TMEM71: variants seen among roughly 807,000 people sequenced by gnomAD.
TMEM71 encodes transmembrane protein 71.
TMEM71 carries 44 observed loss-of-function variants against 38.0 expected under a neutral mutation model. The observed-to-expected ratio is 1.16, with a 90% CI of 0.91 to 1.49. The LOEUF (loss-of-function observed/expected upper bound fraction) is 1.49, where lower values mean the gene tolerates loss of function less well. TMEM71 is among the 40% of genes most tolerant of loss of function. The pLI, the probability that TMEM71 is intolerant of heterozygous loss-of-function variation, is 0.00. For synonymous variants in TMEM71, 133 were observed against 122.5 expected (o/e 1.09, Z -0.56); for missense variants, 367 against 348.6 (o/e 1.05, Z -0.42).
chr8:132,739,013 C>G (rs1305007536), intron 5 of TMEM71, among the ~76,000 whole-genome samples: 2 of 151,956 alleles, frequency 1.3e-5, no homozygotes. Context: ...CTGACCCTCT[C>G]TATACTATTT....
At chr8:132,771,238 GA>G in the TMEM71 span, among the ~76,000 whole-genome samples, 1 of 152,094 alleles carries the variant, frequency 6.6e-6, no homozygotes, top group Non-Finnish European at 1.5e-5. Flanking sequence ...AACTGTCCAG[GA>G]TCCACCTGTC....
chr8:132,744,643 A>G (rs960979066), intron 5 of TMEM71, among the ~76,000 whole-genome samples: 4 of 152,190 alleles, frequency 2.6e-5, no homozygotes, highest in Non-Finnish European at 4.4e-5. Context: ...TTCCTATCAA[A>G]CTATCAATAT....
chr8:132,733,876 A>G (rs537477903), intron 5 of TMEM71, among the ~76,000 whole-genome samples: 22 of 152,344 alleles, frequency 1.4e-4, no homozygotes, highest in Admixed American at 2.6e-4. Flanking sequence ...CCTGGAGCAC[A>G]GTATGCCAAG....
At chr8:132,774,748 A>T in the TMEM71 span, among the ~76,000 whole-genome samples, 8 of 152,264 alleles carry the variant, frequency 5.3e-5, no homozygotes, top group Non-Finnish European at 8.8e-5. Context: ...CAGTTCTGCT[A>T]TCATTAGCTG....
chr8:132,767,895 A>G, the TMEM71 span, among the ~76,000 whole-genome samples: 46,578 of 152,108 alleles, frequency 0.31, 7,708 homozygotes, highest in South Asian at 0.46. Context: ...CAAACTCTTT[A>G]GCTTTATGAG....
chr8:132,745,243 C>G (rs570084380), intron 5 of TMEM71, among the ~76,000 whole-genome samples: 1 of 152,228 alleles, frequency 6.6e-6, no homozygotes, highest in Admixed American at 6.5e-5. Flanking sequence ...AATATACAAC[C>G]TACAGAATGG....
chr8:132,708,764 TAATTACAAA>T (rs1339657061), downstream of TMEM71, among the ~76,000 whole-genome samples: 2 of 152,196 alleles, frequency 1.3e-5, no homozygotes, highest in African/African-American at 4.8e-5. Context: ...GGGCCCCATG[TAATTACAAA>T]AATTATTTAA....
At chr8:132,775,190 A>T in the TMEM71 span, among the ~76,000 whole-genome samples, 1 of 152,206 alleles carries the variant, frequency 6.6e-6, no homozygotes, top group Non-Finnish European at 1.5e-5. Flanking sequence ...ATAGGCACCA[A>T]GAGCTCGCGT....
At position 132,758,677 on chromosome 8, in the gene TMEM71, T is replaced by C. The variant is rs556016369; in HGVS notation, c.40+163A>G. Reference sequence around the variant, plus strand: ...ACCACATTTCTTTCAAGGAAAAAAATGAAGTTAAAATCATTGCCAAAGTGA... The same window carrying C: ...ACCACATTTCTTTCAAGGAAAAAAACGAAGTTAAAATCATTGCCAAAGTGA... On this transcript the variant is annotated intron_variant, in intron 2 of 9. Coordinates refer to ENST00000677595, the MANE Select transcript of TMEM71 (RefSeq NM_001382403.1). 5 of 590,416 alleles carry C rather than the reference T, an allele frequency of 8.5e-6. No homozygotes were observed. The Admixed American group carries it at 1.0e-4, about 12-fold the overall frequency. 36.6% of individuals were successfully genotyped at this position (590,416 alleles called of 1,614,324 possible). A position where few individuals can be genotyped will look rare whatever the true frequency, so the allele number is the denominator to read the frequency against.
At chr8:132,726,724 A>G (rs951513904) in intron 6 of TMEM71, among the ~76,000 whole-genome samples, 2 of 152,238 alleles carry the variant, frequency 1.3e-5, no homozygotes, top group East Asian at 3.8e-4. Context: ...ACTAAGGGAC[A>G]TGCTTGTTGA....
rs567698817 is a variant in TMEM71, at chr8:132,720,111, C to T, written c.752+1929G>A. ...CAGAGGTAAAGTGCCATTCTCACCA[C>T]GTCGTATCAAGGGGACATGCAATCA... On this transcript the variant is annotated intron_variant, in intron 7 of 9. Transcript: ENST00000677595. Among the ~76,000 whole-genome samples the T allele has an allele frequency of 3.1e-4, 47 of 152,226 alleles. 1 individual carries two copies. In the South Asian group the frequency reaches 6.2e-3, roughly 20 times the overall value.
rs1339419480 is a variant in TMEM71 at position 132,727,792 on chromosome 8, A to G, written c.676+6T>C. 1 of 1,593,876 alleles carries G rather than the reference A, an allele frequency of 6.3e-7. No individual in the cohort carries two copies. Among genetic ancestry groups the G allele is most frequent in the East Asian group, 2.2e-5 (1 of 44,510 alleles). On this transcript the variant is annotated splice_donor_region_variant and intron_variant, in intron 6 of 9. Coordinates refer to ENST00000677595, the MANE Select transcript of TMEM71 (RefSeq NM_001382403.1). The stretch of plus-strand genomic sequence containing the variant: ...TGTGGCAAATATTTAAAACACCTGA[A>G]CTCACCTGAATGATCCGAACTATTC...
chr8:132,717,830 G>C (rs1011324501), intron 7 of TMEM71, among the ~76,000 whole-genome samples: 1 of 152,098 alleles, frequency 6.6e-6, no homozygotes, highest in African/African-American at 2.4e-5. Flanking sequence ...TGGTCAAATG[G>C]GGAAAAACTC....
At chr8:132,748,387 A>C (rs1240379256) in intron 4 of TMEM71, among the ~76,000 whole-genome samples, 1 of 152,228 alleles carries the variant, frequency 6.6e-6, no homozygotes, top group Non-Finnish European at 1.5e-5. Flanking sequence ...GCAGATGGTG[A>C]GAAGAGGCTA....
At chr8:132,750,629 T>C (rs765870940) in intron 4 of TMEM71, among the ~76,000 whole-genome samples, 16 of 152,208 alleles carry the variant, frequency 1.1e-4, no homozygotes, top group Admixed American at 6.5e-5. Context: ...TAAGATTTGA[T>C]AGTTATTTGT....
Position 132,759,040 on chromosome 8 carries a change from T to C in TMEM71, c.-36-125A>G, listed in dbSNP as rs753536068. 4.0e-5 allele frequency: 25 copies of C among 632,300 alleles called. No individual in the cohort carries two copies. In the Admixed American group the frequency reaches 6.7e-4, roughly 17 times the overall value. 39.2% of individuals were successfully genotyped at this position (632,300 alleles called of 1,614,324 possible). ...ACTGAAATAATACAGAGATACAGAA[T>C]TGAAGGTAGGAGACCAGACTGAAGA... is the stretch of plus-strand genomic sequence containing the variant. On this transcript the variant is annotated intron_variant, in intron 1 of 9. Transcript: ENST00000677595.
At chr8:132,713,963 C>G (rs956550728) in intron 9 of TMEM71, 32 bp downstream of exon 9, 2 of 1,607,074 alleles carry the variant, frequency 1.2e-6, no homozygotes, top group Middle Eastern at 3.3e-4. Flanking sequence ...CACCTTGGTC[C>G]AGACAATAAT....
At chr8:132,742,201 A>C (rs1828080061) in intron 5 of TMEM71, among the ~76,000 whole-genome samples, 1 of 152,236 alleles carries the variant, frequency 6.6e-6, no homozygotes, top group Non-Finnish European at 1.5e-5. Context: ...TTCATATATA[A>C]TCATATCTAA....
At chr8:132,742,769 T>G (rs1834437) in intron 5 of TMEM71, among the ~76,000 whole-genome samples, 52,960 of 152,156 alleles carry the variant, frequency 0.35, 10,568 homozygotes, top group South Asian at 0.5. Flanking sequence ...CAGGCCCATT[T>G]GTTGATGAGT....
Sources: allele counts gnomAD v4.1 joint callset (sites outside exome capture counted in the v4.1 genomes callset), GRCh38; gene constraint gnomAD v4.1.1; transcripts MANE v1.5; gene names NCBI Gene and HGNC (gene_info 2026-07-23, HGNC 2026-07-21).